NAV2: variants seen among roughly 807,000 people sequenced by gnomAD.
The protein encoded by NAV2 is neuron navigator 2.
A neutral mutation model predicts 223.2 loss-of-function variants in NAV2; 54 were observed. The ratio of observed to expected loss-of-function variants is 0.24; its 90% CI spans 0.19 to 0.30. The LOEUF (loss-of-function observed/expected upper bound fraction) is 0.30. Among genes scored for constraint, NAV2 ranks in the 10% least tolerant of loss-of-function variants. The pLI is 1.00. For missense variants in NAV2, 2,806 were observed against 3,147.5 expected (o/e 0.89, Z 2.60); for synonymous variants, 1,279 against 1,239.3 (o/e 1.03, Z -0.67).
intron 20 of NAV2, among the ~76,000 whole-genome samples, chr11:20,063,673 C>T (rs2058854669): frequency 6.6e-6 from 1 of 152,096 alleles, no homozygotes; most frequent in Non-Finnish European, 1.5e-5. Context: ...CCGCGCATGG[C>T]TATAGCTGTA....
chr11:20,011,084 C>T (rs1007462131), intron 11 of NAV2, among the ~76,000 whole-genome samples: 6 of 152,168 alleles, frequency 3.9e-5, no homozygotes, highest in Non-Finnish European at 5.9e-5. Context: ...CAAATTCTTT[C>T]TTGCTGTTAG....
At chr11:19,967,444 C>T (rs1460898287) in intron 10 of NAV2, among the ~76,000 whole-genome samples, 1 of 151,888 alleles carries the variant, frequency 6.6e-6, no homozygotes, top group East Asian at 1.9e-4. Flanking sequence ...ATTCAAAACC[C>T]AAAACATAAT....
At chr11:19,638,331 G>T (rs2047562452) in intron 1 of NAV2, among the ~76,000 whole-genome samples, 1 of 152,198 alleles carries the variant, frequency 6.6e-6, no homozygotes, top group Non-Finnish European at 1.5e-5. Flanking sequence ...TTATAACCAT[G>T]CTTCCCACCA....
rs146087172 is a variant in NAV2, at chr11:19,921,796, C to T, written c.932-11380C>T. Among the ~76,000 whole-genome samples the T allele has an allele frequency of 1.5e-3, 230 of 152,336 alleles. 1 individual carries two copies. Among genetic ancestry groups the T allele is most frequent in the African/African-American group, 5.0e-3 (206 of 41,574 alleles). ...AAAATGGGATCATTATTACCTACCT[C>T]ATTGGATTTATAGCACGAATAAAAG... On this transcript the variant is annotated intron_variant, in intron 6 of 37. Coordinates refer to ENST00000349880, the MANE Select transcript of NAV2 (RefSeq NM_145117.5).
chr11:20,083,277 G>C, intron 26 of NAV2, 98 bp downstream of exon 26: 1 of 967,384 alleles, frequency 1.0e-6, no homozygotes. Flanking sequence ...CTGCTCCTTG[G>C]GATCCTTTAT....
chr11:20,094,164 A>G (rs750687977), intron 29 of NAV2, among the ~76,000 whole-genome samples: 6 of 151,896 alleles, frequency 4.0e-5, no homozygotes, highest in Non-Finnish European at 1.5e-5. Context: ...CGTTTTCAAA[A>G]CATAGCTAGT....
At chr11:20,066,073 C>T (rs1167923922) in intron 20 of NAV2, among the ~76,000 whole-genome samples, 2 of 152,196 alleles carry the variant, frequency 1.3e-5, no homozygotes, top group East Asian at 3.8e-4. Context: ...GTATTAGTAC[C>T]TCCTCAAAGA....
chr11:19,882,326 C>T (rs984920304), intron 5 of NAV2, among the ~76,000 whole-genome samples: 2 of 152,054 alleles, frequency 1.3e-5, no homozygotes, highest in East Asian at 1.9e-4. Context: ...GATTAACTCT[C>T]GGGAATAATG....
chr11:20,042,773 G>A (rs2057046358), intron 12 of NAV2, among the ~76,000 whole-genome samples: 1 of 151,960 alleles, frequency 6.6e-6, no homozygotes, highest in Admixed American at 6.6e-5. Context: ...ATATGGGACT[G>A]GTATCTTAGT....
chr11:19,785,653 T>A (rs1188439302), intron 1 of NAV2, among the ~76,000 whole-genome samples: 1 of 152,150 alleles, frequency 6.6e-6, no homozygotes, highest in Admixed American at 6.5e-5. Context: ...CTGGCTTTTT[T>A]TTTTTTAAAG....
intron 1 of NAV2, among the ~76,000 whole-genome samples, chr11:19,396,294 G>A (rs946693446): frequency 6.6e-6 from 1 of 152,074 alleles, no homozygotes; most frequent in Non-Finnish European, 1.5e-5. Context: ...ATCCAAGATC[G>A]CATGGTGAGG....
intron 1 of NAV2, among the ~76,000 whole-genome samples, chr11:19,807,194 CATG>C (rs2058616903): frequency 1.3e-5 from 2 of 152,196 alleles, no homozygotes; most frequent in African/African-American, 4.8e-5. Flanking sequence ...ATCCCATGGT[CATG>C]ATAATTTGCA....
At chr11:19,444,939 A>G (rs1851530794) in intron 1 of NAV2, among the ~76,000 whole-genome samples, 2 of 152,312 alleles carry the variant, frequency 1.3e-5, no homozygotes, top group South Asian at 2.1e-4. Flanking sequence ...AAAGAAATCT[A>G]TATGAAGAAT....
chr11:19,548,909 G>C (rs2044598827), intron 1 of NAV2, among the ~76,000 whole-genome samples: 1 of 150,236 alleles, frequency 6.7e-6, no homozygotes, highest in Admixed American at 6.6e-5. Context: ...CCCTCAAGGT[G>C]AGTGTTTAAA....
chr11:19,933,328 T>A lies in NAV2; in HGVS notation c.1084T>A (p.Ser362Thr). 1 of 1,612,136 alleles carries A rather than the reference T, an allele frequency of 6.2e-7. No homozygotes were observed. The highest frequency in any genetic ancestry group is 8.5e-7 in the Non-Finnish European group (1 of 1,179,132). ...GAATKPWRSK[S>T]LSVKHSATVS... ...AGCCACCAAGCCTTGGCGCAGCAAA[T>A]CCCTCAGCGTGAAGCACAGTGCCAC... is the stretch of plus-strand genomic sequence containing the variant. Residue 362 changes from serine to threonine, a missense_variant, in exon 7 of 38, where the codon TCC (serine) becomes ACC (threonine). Ser to Thr is a moderately conservative substitution (Grantham distance 58, BLOSUM62 1). This residue lies in a region of NAV2 where 1,167 missense variants were observed against 1,180.5 expected (regional missense o/e 0.99). Transcript: ENST00000349880. The surrounding 1 kb of genome is among the most constrained non-coding windows in gnomAD (Gnocchi z 4.3).
intron 1 of NAV2, among the ~76,000 whole-genome samples, chr11:19,404,817 G>T (rs3108805): frequency 0.82 from 124,653 of 152,106 alleles, 51,810 homozygotes; most frequent in Non-Finnish European, 0.9. Flanking sequence ...AATTTTAAAC[G>T]CACACTCCTA....
chr11:20,023,299 G>C (rs1164371064), intron 11 of NAV2, among the ~76,000 whole-genome samples: 2 of 140,472 alleles, frequency 1.4e-5, no homozygotes, highest in Non-Finnish European at 3.1e-5. Context: ...GGAGGGGGCG[G>C]GGGGCAAGGT....
At chr11:19,553,963 C>G (rs922402328) in intron 1 of NAV2, among the ~76,000 whole-genome samples, 1 of 152,208 alleles carries the variant, frequency 6.6e-6, no homozygotes, top group Non-Finnish European at 1.5e-5. Flanking sequence ...CAAAGGGCTT[C>G]ACGCCCAGTA....
chr11:19,751,722 G>A (rs572849795), intron 1 of NAV2, among the ~76,000 whole-genome samples: 3 of 152,220 alleles, frequency 2.0e-5, no homozygotes, highest in African/African-American at 7.2e-5. Flanking sequence ...TGTTTTCAAA[G>A]CACGTATTTG....
Sources: allele counts gnomAD v4.1 joint callset (sites outside exome capture counted in the v4.1 genomes callset), GRCh38; gene constraint gnomAD v4.1.1; regional missense constraint gnomAD v4.1.1; non-coding constraint Gnocchi (gnomAD v3.1); transcripts MANE v1.5; gene names NCBI Gene and HGNC (gene_info 2026-07-23, HGNC 2026-07-21).